The following TFIP11 variants were observed in gnomAD, a reference collection of about 807,000 sequenced individuals.
TFIP11 encodes tuftelin interacting protein 11.
TFIP11 carries 86 observed loss-of-function variants against 96.8 expected under a neutral mutation model. That is an observed-to-expected ratio of 0.89 (90% CI 0.75 to 1.06). The LOEUF (loss-of-function observed/expected upper bound fraction) is 1.06, where lower values mean the gene tolerates loss of function less well. TFIP11 is among the 50% of genes least tolerant of loss of function. TFIP11 has a pLI of 0.00. For synonymous variants in TFIP11, 405 were observed against 395.2 expected (o/e 1.02, Z -0.29); for missense variants, 881 against 1,076.7 (o/e 0.82, Z 2.54).
At chr22:26,501,044 C>T (rs968745648) in intron 8 of TFIP11, among the ~76,000 whole-genome samples, 19 of 152,110 alleles carry the variant, frequency 1.2e-4, no homozygotes, top group African/African-American at 3.1e-4. Context: ...CCATCACATC[C>T]GGCTAATTTT....
chr22:26,496,732 G>C lies in TFIP11; in HGVS notation c.1594C>G (p.Leu532Val), dbSNP rs1166949531. 6.2e-7 allele frequency: 1 copy of C among 1,613,916 alleles called. No homozygotes were observed. Among genetic ancestry groups the C allele is most frequent in the Non-Finnish European group, 8.5e-7 (1 of 1,179,948 alleles). Residue 532 changes from leucine (L) to valine (V), a missense_variant, in exon 11 of 15, where the codon CTG (leucine) becomes GTG (valine). Transcript: ENST00000407690. ...NILDQLIFPK[L>V]QKEVENWNPL... is the part of the protein sequence containing the mutation. ...GACTCTCATCCCACCTCCTTTTGCA[G>C]CTTGGGGAAGATGAGTTGGTCCAGT...
At position 26,510,230 on chromosome 22, in the gene TFIP11, C is replaced by T; in HGVS notation, c.43G>A (p.Asp15Asn). The change falls in exon 4 of 15, where the codon GAT (aspartate) becomes AAT (asparagine). Residue 15 changes from aspartate (D) to asparagine (N), a missense_variant. Transcript: ENST00000407690. ...TTCTCCCGCTCGTCATCATCATCAT[C>T]AATGCGGCCTTCCCCATCCCGGTAT... is the stretch of plus-strand genomic sequence containing the variant. ...HLYRDGEGRI[D>N]DDDDERENFE... 1.2e-6 allele frequency: 2 copies of T among 1,614,138 alleles called. No homozygotes were observed. Among genetic ancestry groups the T allele is most frequent in the Non-Finnish European group, 1.7e-6 (2 of 1,180,026 alleles).
intron 3 of TFIP11, 35 bp from the exon 4 acceptor site, chr22:26,510,316 G>A: frequency 6.3e-7 from 1 of 1,596,156 alleles, no homozygotes; most frequent in Non-Finnish European, 8.6e-7. Flanking sequence ...CAGGCCGTAA[G>A]TCCTGGGGGC....
intron 3 of TFIP11, among the ~76,000 whole-genome samples, 165 bp from the exon 4 acceptor site, chr22:26,510,446 T>A (rs1386440051): frequency 6.6e-6 from 1 of 152,198 alleles, no homozygotes; most frequent in Non-Finnish European, 1.5e-5. Flanking sequence ...AAACCTACTT[T>A]TAGATAACAA....
chr22:26,494,787 CAA>C lies in TFIP11; in HGVS notation c.1992+8_1992+9del. The C allele has an allele frequency of 4.3e-6, 7 of 1,613,768 alleles. No individual in the cohort carries two copies. Among genetic ancestry groups the C allele is most frequent in the Non-Finnish European group, 5.9e-6 (7 of 1,179,716 alleles). The stretch of plus-strand genomic sequence containing the variant: ...CCCTCCCCCAGAAATCCAAGCAAAA[CAA>C]AGTGTACCTGAAGCCACTTGGGGAA... On this transcript the variant is annotated splice_region_variant and intron_variant, in intron 13 of 14. Coordinates refer to ENST00000407690, the MANE Select transcript of TFIP11 (RefSeq NM_012143.4).
rs1016053162 is a variant in TFIP11, at chr22:26,499,590, G to A, written c.843C>T (p.Ser281=). Residue 281 remains serine (S), a synonymous_variant, in exon 9 of 15, where the codon AGC becomes AGT. Coordinates refer to ENST00000407690, the MANE Select transcript of TFIP11 (RefSeq NM_012143.4). Reference sequence around the variant, plus strand: ...TGTGCTTGTGGCTGATCTGACTGTAGCTGTAGTAGACCTTCTGCTCCCGGC... The same window carrying A: ...TGTGCTTGTGGCTGATCTGACTGTAACTGTAGTAGACCTTCTGCTCCCGGC... ...MTGREQKVYY[S]YSQISHKHNV... is the part of the protein sequence containing the mutation. 5.6e-6 allele frequency: 9 copies of A among 1,613,870 alleles called. No individual in the cohort carries two copies. In the Admixed American group the frequency reaches 6.7e-5, roughly 12 times the overall value.
Position 26,503,720 on chromosome 22 carries a change from G to C in TFIP11, c.594C>G (p.Thr198=). 1 of 1,613,964 alleles carries C rather than the reference G, an allele frequency of 6.2e-7. No homozygotes were observed. Among genetic ancestry groups the C allele is most frequent in the Non-Finnish European group, 8.5e-7 (1 of 1,180,010 alleles). The change falls in exon 7 of 15, where the codon ACC becomes ACG. Residue 198 remains threonine (T), a synonymous_variant. Coordinates refer to ENST00000407690, the MANE Select transcript of TFIP11 (RefSeq NM_012143.4). ...CAGGGAAGTCTTGCATGGACTGAGT[G>C]GTGCGCTCGGATCCATAAGCCCCCA... The part of the protein sequence containing the change: ...GAVGAYGSER[T]TQSMQDFPVV...
rs1449409912 is a variant in TFIP11 at position 26,506,898 on chromosome 22, G to A, written c.240C>T (p.Phe80=). 6.8e-6 allele frequency: 11 copies of A among 1,614,196 alleles called. No individual in the cohort carries two copies. The highest frequency in any genetic ancestry group is 9.3e-6 in the Non-Finnish European group (11 of 1,180,040). ...CCCCTTTCTTGAGCCCTGCGCTGAT[G>A]AAGTTGACTGGCGCAGAGTAGTCAC... ...RARDYSAPVN[F]ISAGLKKGAA... is the part of the protein sequence containing the mutation. The change falls in exon 5 of 15, where the codon TTC becomes TTT. Residue 80 remains phenylalanine, a synonymous_variant. Coordinates refer to ENST00000407690, the MANE Select transcript of TFIP11 (RefSeq NM_012143.4).
At chr22:26,497,039 G>T in intron 10 of TFIP11, 150 bp from the exon 11 acceptor site, 1 of 878,648 alleles carries the variant, frequency 1.1e-6, no homozygotes, top group Non-Finnish European at 1.7e-6. Flanking sequence ...CACCATACTG[G>T]CCAGACTGAG....
chr22:26,497,097 A>C (rs1922163252), intron 10 of TFIP11, among the ~76,000 whole-genome samples: 2 of 152,304 alleles, frequency 1.3e-5, no homozygotes, highest in South Asian at 4.1e-4. Flanking sequence ...CTGAGGCCTC[A>C]GTCTCCTAGG....
Position 26,503,753 on chromosome 22 carries a change from T to G in TFIP11, c.561A>C (p.Lys187Asn), listed in dbSNP as rs770584736. 4 of 1,613,542 alleles carry G rather than the reference T, an allele frequency of 2.5e-6. No individual in the cohort carries two copies. Among genetic ancestry groups the G allele is most frequent in the Non-Finnish European group, 2.5e-6 (3 of 1,179,840 alleles). ...CGGATCCATAAGCCCCCACAGCACC[T>G]TTTCCCTTTCTCTGCTTGGCTTCAA... The part of the protein sequence containing the change: ...NPIEAKQRKG[K>N]GAVGAYGSER... Residue 187 changes from lysine to asparagine, a missense_variant, in exon 7 of 15, where the codon AAA (lysine) becomes AAC (asparagine). Transcript: ENST00000407690.
At chr22:26,493,131 G>A (rs963876099) in intron 14 of TFIP11, 4 of 151,748 alleles carry the variant, frequency 2.6e-5, no homozygotes, top group African/African-American at 7.3e-5. Flanking sequence ...AGGTTTAAGC[G>A]ATTCTTCTGC....
At chr22:26,500,797 G>A (rs1010372634) in intron 8 of TFIP11, among the ~76,000 whole-genome samples, 11 of 151,300 alleles carry the variant, frequency 7.3e-5, no homozygotes, top group African/African-American at 2.4e-4. Context: ...TGAGGTCTAT[G>A]ACACACTACA....
Position 26,494,209 on chromosome 22 carries a change from T to C in TFIP11, c.2088A>G (p.Ala696=). 6.2e-7 allele frequency: 1 copy of C among 1,614,210 alleles called. No individual in the cohort carries two copies. Among genetic ancestry groups the C allele is most frequent in the Non-Finnish European group, 8.5e-7 (1 of 1,180,030 alleles). Residue 696 remains alanine (A), a synonymous_variant, in exon 14 of 15, where the codon GCA becomes GCG. Coordinates refer to ENST00000407690, the MANE Select transcript of TFIP11 (RefSeq NM_012143.4). ...WKSMFSDQVL[A]HPSVKDKFNE... ...TAAATTTGTCCTTGACAGATGGATG[T>C]GCCAGCACTTGGTCTGAGAACATCG... is the stretch of plus-strand genomic sequence containing the variant.
At chr22:26,500,671 A>G in intron 8 of TFIP11, among the ~76,000 whole-genome samples, 1 of 151,984 alleles carries the variant, frequency 6.6e-6, no homozygotes. Flanking sequence ...GAAAAAAAAA[A>G]AAAGAGTCCT....
At chr22:26,500,440 A>G (rs1260485553) in intron 8 of TFIP11, among the ~76,000 whole-genome samples, 1 of 152,238 alleles carries the variant, frequency 6.6e-6, no homozygotes, top group East Asian at 1.9e-4. Context: ...AAATGCTGGG[A>G]TTACAGGCAT....
At chr22:26,509,559 T>C (rs1476846338) in intron 4 of TFIP11, among the ~76,000 whole-genome samples, 4 of 152,098 alleles carry the variant, frequency 2.6e-5, no homozygotes, top group Admixed American at 1.3e-4. Flanking sequence ...TAAACACTGA[T>C]AATTAAATCA....
rs1455710684 is a variant in TFIP11, at chr22:26,496,327, G to A, written c.1606-11C>T. On this transcript the variant is annotated splice_polypyrimidine_tract_variant and intron_variant, in intron 11 of 14. Transcript: ENST00000407690. ...GTTCCAGTTTTCCACCTGCGAAGTG[G>A]GGAGGAGAAACAGTTCATGTCGCCT... The A allele has an allele frequency of 3.2e-6, 5 of 1,585,446 alleles. No individual in the cohort carries two copies. The highest frequency in any genetic ancestry group is 4.3e-6 in the Non-Finnish European group (5 of 1,161,474).
At position 26,509,941 on chromosome 22, in the gene TFIP11, A is replaced by G. The variant is rs935029442; in HGVS notation, c.209+123T>C. The G allele has an allele frequency of 5.3e-6, 5 of 943,564 alleles. No individual in the cohort carries two copies. The African/African-American group carries it at 8.1e-5, about 15-fold the overall frequency. The allele number at this position is 943,564 out of a possible 1,614,324, so 58.4% of individuals were successfully genotyped here. The stretch of plus-strand genomic sequence containing the variant: ...AAACCAGACCTCTCGAGATGATGTC[A>G]CAGCTAACAGTCTCAACAAGGCCAG... On this transcript the variant is annotated intron_variant, in intron 4 of 14. Transcript: ENST00000407690.
Sources: gnomAD v4.1 joint callset for allele counts (sites outside exome capture counted in the v4.1 genomes callset) on GRCh38, gnomAD v4.1.1 for gene constraint, MANE v1.5 for transcripts, NCBI Gene and HGNC (gene_info 2026-07-23, HGNC 2026-07-21) for gene names.